The following TTN variants were observed in gnomAD, a reference collection of about 807,000 sequenced individuals.
TTN encodes connectin.
A neutral mutation model predicts 3,223.0 loss-of-function variants in TTN; 1,525 were observed. The observed-to-expected ratio is 0.47, with a 90% CI of 0.45 to 0.49. The LOEUF (loss-of-function observed/expected upper bound fraction) is 0.49, where lower values mean the gene tolerates loss of function less well. Ranked by LOEUF, TTN falls within the 20% of genes least tolerant of loss-of-function variation. The pLI is 0.00. For synonymous variants in TTN, 14,094 were observed against 15,161.0 expected (o/e 0.93, Z 5.17); for missense variants, 40,786 against 43,424.0 (o/e 0.94, Z 5.40).
At chr2:178,756,098 T>C in intron 46 of TTN, 124 bp downstream of exon 46, 1 of 741,338 alleles carries the variant, frequency 1.3e-6, no homozygotes, top group East Asian at 2.6e-5. Flanking sequence ...AAGTCACTTA[T>C]GAATAGGGTG....
In TTN at chr2:178,634,772, G is replaced by T; in HGVS notation, c.42102C>A (p.Val14034=). 6.2e-7 allele frequency: 1 copy of T among 1,613,218 alleles called. No individual in the cohort carries two copies. The highest frequency in any genetic ancestry group is 8.5e-7 in the Non-Finnish European group (1 of 1,179,450). ...HKVKLDQAGE[V]LYQALNAITT... is the part of the protein sequence containing the mutation. ...TAATTGCATTAAGGGCCTGGTAGAG[G>T]ACTTCACCAGCTTGGTCCAGTTTGA... The change falls in exon 229 of 363, where the codon GTC becomes GTA. Residue 14034 remains valine (V), a synonymous_variant. Transcript: ENST00000589042. This position sits in a 1 kb window ranked among gnomAD's most constrained non-coding sequence, Gnocchi z 4.6.
chr2:178,617,620 C>T (rs2057592706), intron 253 of TTN, 108 bp from the exon 254 acceptor site: 1 of 1,395,422 alleles, frequency 7.2e-7, no homozygotes, highest in Non-Finnish European at 9.7e-7. Flanking sequence ...ATCAAATTCA[C>T]TAAGTAAAGT....
Position 178,741,000 on chromosome 2 carries a change from G to A in TTN, c.12233C>T (p.Thr4078Ile), listed in dbSNP as rs80136515. ...EQEIATFVKD[T>I]ILKAALITEE... The stretch of plus-strand genomic sequence containing the variant: ...TGTAATTAAAGCAGCTTTCAAAATG[G>A]TGTCTTTTACAAACGTTGCAATTTC... Residue 4078 changes from threonine to isoleucine, a missense_variant, in exon 48 of 363, where the codon ACC (threonine) becomes ATC (isoleucine). Coordinates refer to ENST00000589042, the MANE Select transcript of TTN (RefSeq NM_001267550.2). 1,297 of 1,613,886 alleles carry A rather than the reference G, an allele frequency of 8.0e-4. 13 individuals are homozygous for A. The African/African-American group carries it at 0.015, about 19-fold the overall frequency.
intron 149 of TTN, 113 bp downstream of exon 149, chr2:178,675,558 G>A (rs1029803948): frequency 2.3e-5 from 19 of 842,254 alleles, no homozygotes; most frequent in African/African-American, 1.6e-4. Flanking sequence ...CAGAAATGAC[G>A]AATGTGAATG....
Position 178,651,699 on chromosome 2 carries a change from C to G in TTN, c.39430G>C (p.Val13144Leu). 1 of 1,613,212 alleles carries G rather than the reference C, an allele frequency of 6.2e-7. No individual in the cohort carries two copies. The highest frequency in any genetic ancestry group is 8.5e-7 in the Non-Finnish European group (1 of 1,179,546). Residue 13144 changes from valine (V) to leucine (L), a missense_variant, in exon 206 of 363, where the codon GTT becomes CTT. Transcript: ENST00000589042. ...PVPEKKAPAV[V>L]AKKPELPPVK... ...GGTGGTAGTTCAGGTTTTTTGGCAA[C>G]GACAGCAGGTGCTTTCTTTTCTGGG...
chr2:178,675,022 C>A lies in TTN; in HGVS notation c.34612+17G>T. The A allele has an allele frequency of 6.8e-7, 1 of 1,461,366 alleles. No homozygotes were observed. Among genetic ancestry groups the A allele is most frequent in the South Asian group, 1.4e-5 (1 of 69,600 alleles). 90.5% of individuals were successfully genotyped at this position (1,461,366 alleles called of 1,614,324 possible). On this transcript the variant is annotated intron_variant, in intron 150 of 362. Transcript: ENST00000589042. Reference sequence around the variant, plus strand: ...AAGGATGACTTTGAAATGTTATTTTCTTAGAAAGTTATCTACCTTCAACTG... The same window carrying A: ...AAGGATGACTTTGAAATGTTATTTTATTAGAAAGTTATCTACCTTCAACTG...
chr2:178,720,345 G>C, intron 80 of TTN, 40 bp downstream of exon 80: 4 of 1,592,356 alleles, frequency 2.5e-6, no homozygotes, highest in Non-Finnish European at 3.4e-6. Flanking sequence ...AGAACAGATA[G>C]GAGGAAGGGG....
chr2:178,790,648 T>C (rs775363343), intron 11 of TTN, 60 bp downstream of exon 11: 125 of 1,612,244 alleles, frequency 7.8e-5, no homozygotes, highest in Admixed American at 1.0e-4. Flanking sequence ...GATGAAAATG[T>C]AGGTGATTTG....
At chr2:178,583,249 G>T (rs796410140) in intron 312 of TTN, 22 bp from the exon 313 acceptor site, 2 of 1,529,672 alleles carry the variant, frequency 1.3e-6, no homozygotes, top group Non-Finnish European at 1.8e-6. Flanking sequence ...TAAGATAAAG[G>T]ACTTAATGTA....
At chr2:178,744,691 T>A (rs2083139095) in intron 47 of TTN, 5 of 975,384 alleles carry the variant, frequency 5.1e-6, no homozygotes, top group Non-Finnish European at 6.1e-6. Flanking sequence ...ATATCCCACC[T>A]TTTTTTAAAT....
At position 178,784,195 on chromosome 2, in the gene TTN, C is replaced by T. The variant is rs772195446; in HGVS notation, c.2650G>A (p.Ala884Thr). ...CTCTTGTAAGTATCTGGTGTGTCAG[C>T]GAAGGGGAACTGTGGCAAGGGTGTG... ...EPTPLPQFPF[A>T]DTPDTYKSEA... Residue 884 changes from alanine to threonine, a missense_variant, in exon 16 of 363, where the codon GCT (alanine) becomes ACT (threonine). Ala to Thr is a moderately conservative substitution (Grantham distance 58). Transcript: ENST00000589042. The T allele has an allele frequency of 3.4e-5, 55 of 1,614,002 alleles. No homozygotes were observed. Among genetic ancestry groups the T allele is most frequent in the Admixed American group, 1.3e-4 (8 of 59,994 alleles).
At position 178,597,989 on chromosome 2, in the gene TTN, A is replaced by G; in HGVS notation, c.57181T>C (p.Phe19061Leu). 3 of 1,613,396 alleles carry G rather than the reference A, an allele frequency of 1.9e-6. No homozygotes were observed. The highest frequency in any genetic ancestry group is 1.7e-4 in the Middle Eastern group (1 of 6,052). ...TGLKEGAFYKFRVRAVNIAGI... is the reference protein window; with the variant it reads ...TGLKEGAFYKLRVRAVNIAGI... ...GCAATGTTGACTGCTCTAACTCTAA[A>G]TTTGTAGAATGCTCCTTCCTTTAAT... Residue 19061 changes from phenylalanine (F) to leucine (L), a missense_variant, in exon 293 of 363, where the codon TTT becomes CTT. Phe to Leu is a conservative substitution (Grantham distance 22, BLOSUM62 0). Coordinates refer to ENST00000589042, the MANE Select transcript of TTN (RefSeq NM_001267550.2).
In TTN at chr2:178,582,191, C is replaced by A. The variant is rs1201131904; in HGVS notation, c.66178G>T (p.Asp22060Tyr). ...KNPYDPPGRC[D>Y]PPVISNITKD... ...GTTATGTTGCTAATAACAGGAGGAT[C>A]ACAGCGTCCTGGTGGGTCTGCAGAA... is the stretch of plus-strand genomic sequence containing the variant. The change falls in exon 315 of 363, where the codon GAT (aspartate) becomes TAT (tyrosine). Residue 22060 changes from aspartate (D) to tyrosine (Y), a missense_variant. Transcript: ENST00000589042. 1 of 1,612,380 alleles carries A rather than the reference C, an allele frequency of 6.2e-7. No homozygotes were observed. Among genetic ancestry groups the A allele is most frequent in the Admixed American group, 1.7e-5 (1 of 59,842 alleles).
In TTN at chr2:178,779,481, G is replaced by A. The variant is rs533088757; in HGVS notation, c.3730-19C>T. The A allele has an allele frequency of 7.1e-6, 10 of 1,411,342 alleles. No homozygotes were observed. The highest frequency in any genetic ancestry group is 7.0e-5 in the East Asian group (3 of 42,924). The allele number at this position is 1,411,342 out of a possible 1,614,324, so 87.4% of individuals were successfully genotyped here. A position where few individuals can be genotyped will look rare whatever the true frequency, so the allele number is the denominator to read the frequency against. ...GGAATTCCTATGCAAAAAGATTATG[G>A]TCTGTTAAAAATACATATCCTTACT... On this transcript the variant is annotated intron_variant, in intron 22 of 362. Transcript: ENST00000589042.
At position 178,741,104 on chromosome 2, in the gene TTN, C is replaced by T. The variant is rs2082400553; in HGVS notation, c.12129G>A (p.Lys4043=). 3 of 1,613,678 alleles carry T rather than the reference C, an allele frequency of 1.9e-6. No individual in the cohort carries two copies. The highest frequency in any genetic ancestry group is 2.7e-5 in the African/African-American group (2 of 74,914). The change falls in exon 48 of 363, where the codon AAG becomes AAA. Residue 4043 remains lysine, a synonymous_variant. Transcript: ENST00000589042. ...TDMTDTPCKA[K]STPEAPEDFP... is the part of the protein sequence containing the mutation. ...AATCCTCAGGAGCCTCTGGTGTGGA[C>T]TTTGCTTTGCAGGGGGTATCAGTCA...
In TTN at chr2:178,586,891, G is replaced by C. The variant is rs1009072878; in HGVS notation, c.64094-84C>G. ...TAATGTACATAAGAGTTTTAGTATG[G>C]ATTTGCTCCAATGTACATAGAACCT... On this transcript the variant is annotated intron_variant, in intron 307 of 362. Coordinates refer to ENST00000589042, the MANE Select transcript of TTN (RefSeq NM_001267550.2). The C allele has an allele frequency of 3.3e-6, 5 of 1,529,218 alleles. No individual in the cohort carries two copies. The African/African-American group carries it at 4.2e-5, about 13-fold the overall frequency. 94.7% of individuals were successfully genotyped at this position (1,529,218 alleles called of 1,614,324 possible).
At chr2:178,613,658 A>T (rs1475996301) in intron 263 of TTN, 93 bp downstream of exon 263, 2 of 1,306,744 alleles carry the variant, frequency 1.5e-6, no homozygotes, top group East Asian at 5.1e-5. Flanking sequence ...TTTTTTTAGT[A>T]ATATATAATC....
chr2:178,717,987 T>C lies in TTN; in HGVS notation c.25019A>G (p.Asn8340Ser). The change falls in exon 86 of 363, where the codon AAC (asparagine) becomes AGC (serine). Residue 8340 changes from asparagine (N) to serine (S), a missense_variant. Coordinates refer to ENST00000589042, the MANE Select transcript of TTN (RefSeq NM_001267550.2). ...TGAAGAAGCGACTGCCCCCACACTG[T>C]TGTCTGCCTTGCATGAATACTCTCC... Reference protein sequence around the residue: ...DVGEYSCKADNSVGAVASSAV... With the variant: ...DVGEYSCKADSSVGAVASSAV... The C allele has an allele frequency of 1.2e-6, 2 of 1,613,734 alleles. No homozygotes were observed. The highest frequency in any genetic ancestry group is 1.7e-6 in the Non-Finnish European group (2 of 1,179,658).
At chr2:178,716,398 G>A (rs546683886) in intron 88 of TTN, among the ~76,000 whole-genome samples, 2 of 152,234 alleles carry the variant, frequency 1.3e-5, no homozygotes, top group East Asian at 1.9e-4. Context: ...ATGTCATAGA[G>A]CAAATGGGCT....
Sources: gnomAD v4.1 joint callset for allele counts (sites outside exome capture counted in the v4.1 genomes callset) on GRCh38, gnomAD v4.1.1 for gene constraint, Gnocchi (gnomAD v3.1) non-coding constraint, MANE v1.5 for transcripts, NCBI Gene and HGNC (gene_info 2026-07-23, HGNC 2026-07-21) for gene names.